Variants in UNC13B observed in about 807,000 individuals in gnomAD.
UNC13B encodes the protein protein unc-13 homolog B.
In UNC13B, 144 loss-of-function variants were observed where a neutral mutation model predicts 211.0. The ratio of observed to expected loss-of-function variants is 0.68; its 90% CI spans 0.60 to 0.78. The LOEUF (loss-of-function observed/expected upper bound fraction) is 0.78, where lower values mean the gene tolerates loss of function less well. Among genes scored for constraint, UNC13B ranks in the 30% least tolerant of loss-of-function variants. The pLI, the probability that UNC13B is intolerant of heterozygous loss-of-function variation, is 0.00. For synonymous variants in UNC13B, 709 were observed against 725.8 expected (o/e 0.98, Z 0.37); for missense variants, 1,777 against 2,002.0 (o/e 0.89, Z 2.14).
chr9:35,390,056 A>G (rs1274599246), intron 25 of UNC13B, 83 bp downstream of exon 25: 10 of 1,579,760 alleles, frequency 6.3e-6, no homozygotes, highest in Non-Finnish European at 7.8e-6. Flanking sequence ...CTGTCTCTGT[A>G]TGTTTGCAGT....
intron 11 of UNC13B, among the ~76,000 whole-genome samples, chr9:35,355,490 C>T (rs1424357716): frequency 1.3e-5 from 2 of 152,214 alleles, no homozygotes; most frequent in Non-Finnish European, 2.9e-5. Flanking sequence ...CTTCACTTTG[C>T]ATTCAAGGTC....
chr9:35,306,564 A>G lies in UNC13B; in HGVS notation c.7160A>G (p.Asn2387Ser), dbSNP rs1017453903. 1.5e-5 allele frequency: 6 copies of G among 398,858 alleles called. No homozygotes were observed. Among genetic ancestry groups the G allele is most frequent in the Non-Finnish European group, 2.7e-5 (6 of 226,076 alleles). 24.7% of individuals were successfully genotyped at this position (398,858 alleles called of 1,614,324 possible). A position where few individuals can be genotyped will look rare whatever the true frequency, so the allele number is the denominator to read the frequency against. The part of the protein sequence containing the change: ...SHAKQLIEKF[N>S]DLDTCTNCHQ... ...GCTAAACAGTTAATTGAAAAATTCA[A>G]TGATTTAGACACTTGTACTAACTGC... The change falls in exon 9 of 40, where the codon AAT becomes AGT. Residue 2387 changes from asparagine to serine, a missense_variant. Coordinates refer to ENST00000635942, the MANE Select transcript of UNC13B (RefSeq NM_001371189.2).
chr9:35,315,011 G>A (rs1042716032), intron 11 of UNC13B, among the ~76,000 whole-genome samples: 1 of 148,464 alleles, frequency 6.7e-6, no homozygotes, highest in Non-Finnish European at 1.5e-5. Context: ...TTAGTAGCAG[G>A]GTCTACAGGC....
rs971295376 is a variant in UNC13B, at chr9:35,301,629, G to C, written c.2225G>C (p.Ser742Thr). Residue 742 changes from serine to threonine, a missense_variant, in exon 9 of 40, where the codon AGT becomes ACT. Coordinates refer to ENST00000635942, the MANE Select transcript of UNC13B (RefSeq NM_001371189.2). Reference sequence around the variant, plus strand: ...ACCAGTGAACCTTCAAACTTAGTTAGTTCTGCAAGTAAAAATGATGAGAGT... The same window carrying C: ...ACCAGTGAACCTTCAAACTTAGTTACTTCTGCAAGTAAAAATGATGAGAGT... ...QVTSEPSNLV[S>T]SASKNDESLL... 28 of 398,738 alleles carry C rather than the reference G, an allele frequency of 7.0e-5. No individual in the cohort carries two copies. Among genetic ancestry groups the C allele is most frequent in the Non-Finnish European group, 1.2e-4 (26 of 225,950 alleles). 24.7% of individuals were successfully genotyped at this position (398,738 alleles called of 1,614,324 possible). A position where few individuals can be genotyped will look rare whatever the true frequency, so the allele number is the denominator to read the frequency against.
chr9:35,259,727 C>T (rs1384065105), intron 7 of UNC13B, among the ~76,000 whole-genome samples: 4 of 124,302 alleles, frequency 3.2e-5, no homozygotes, highest in Non-Finnish European at 6.2e-5. Flanking sequence ...AAAGGACTGA[C>T]TTAGAGTCTG....
intron 1 of UNC13B, among the ~76,000 whole-genome samples, chr9:35,173,331 T>G (rs1162419582): frequency 6.6e-6 from 1 of 152,100 alleles, no homozygotes; most frequent in Non-Finnish European, 1.5e-5. Flanking sequence ...TATGTCTACC[T>G]CACTTCAGCC....
At chr9:35,217,655 C>T (rs1156597384) in intron 1 of UNC13B, among the ~76,000 whole-genome samples, 2 of 152,252 alleles carry the variant, frequency 1.3e-5, no homozygotes, top group Admixed American at 6.5e-5. Flanking sequence ...TCCCAAAGTG[C>T]TGGGATTACA....
chr9:35,171,473 C>T (rs958396030), intron 1 of UNC13B, among the ~76,000 whole-genome samples: 33 of 152,320 alleles, frequency 2.2e-4, no homozygotes, highest in Middle Eastern at 3.4e-3. Context: ...GTGATCATAG[C>T]TCACTGTAGC....
At chr9:35,205,027 T>C (rs1009781111) in intron 1 of UNC13B, among the ~76,000 whole-genome samples, 2 of 152,120 alleles carry the variant, frequency 1.3e-5, no homozygotes, top group Non-Finnish European at 1.5e-5. Context: ...GGGGTGGAGT[T>C]CTCATGAATG....
rs556106361 is a variant in UNC13B, at chr9:35,170,647, T to A, written c.22+8342T>A. ...CCATGCTTGGCTAATTAAAAAAAAA[T>A]TTTTTTTAGAGATGGGGTCTTGCTA... On this transcript the variant is annotated intron_variant, in intron 1 of 39. Transcript: ENST00000635942. Among the ~76,000 whole-genome samples the A allele has an allele frequency of 3.4e-4, 51 of 151,820 alleles. 1 individual carries two copies. In the South Asian group the frequency reaches 4.0e-3, roughly 12 times the overall value.
At position 35,290,967 on chromosome 9, in the gene UNC13B, A is replaced by G. The variant is rs1829068793; in HGVS notation, c.527-4729A>G. ...AATACAAGTGAGGTAGGCTTAAGTA[A>G]GGTAAGGCACATAATAATTGCTGAG... is the stretch of plus-strand genomic sequence containing the variant. On this transcript the variant is annotated intron_variant, in intron 7 of 39. Coordinates refer to ENST00000635942, the MANE Select transcript of UNC13B (RefSeq NM_001371189.2). The G allele has an allele frequency of 2.6e-5, 30 of 1,174,864 alleles. No homozygotes were observed. The South Asian group carries it at 3.9e-4, about 15-fold the overall frequency. The allele number at this position is 1,174,864 out of a possible 1,614,324, so 72.8% of individuals were successfully genotyped here.
At chr9:35,281,498 T>C (rs1828492625) in intron 7 of UNC13B, among the ~76,000 whole-genome samples, 1 of 151,868 alleles carries the variant, frequency 6.6e-6, no homozygotes, top group Non-Finnish European at 1.5e-5. Flanking sequence ...GTAGTACCAT[T>C]TGATAAGTGA....
chr9:35,205,008 A>G (rs1051349122), intron 1 of UNC13B, among the ~76,000 whole-genome samples: 1 of 152,098 alleles, frequency 6.6e-6, no homozygotes, highest in Non-Finnish European at 1.5e-5. Context: ...ATGGGAGGTG[A>G]TGGATAATGG....
intron 3 of UNC13B, 130 bp downstream of exon 3, chr9:35,231,349 T>G: frequency 1.7e-6 from 1 of 595,156 alleles, no homozygotes; most frequent in African/African-American, 1.9e-5. Context: ...TGTTAAATAC[T>G]GTTTTGAAAA....
chr9:35,319,283 A>G (rs889154432), intron 11 of UNC13B, among the ~76,000 whole-genome samples: 6 of 151,658 alleles, frequency 4.0e-5, no homozygotes, highest in African/African-American at 1.5e-4. Context: ...CATACCTGTA[A>G]TCCCAGCTAC....
chr9:35,314,002 T>C lies in UNC13B; in HGVS notation c.9414+13T>C, dbSNP rs1182972103. On this transcript the variant is annotated intron_variant, in intron 11 of 39. Coordinates refer to ENST00000635942, the MANE Select transcript of UNC13B (RefSeq NM_001371189.2). ...CCAGCTGCAGGAGGTAGGAAATCTG[T>C]TCTAGTACTGGTTGGGACAATTTTT... 5 of 1,607,592 alleles carry C rather than the reference T, an allele frequency of 3.1e-6. No individual in the cohort carries two copies. The highest frequency in any genetic ancestry group is 1.6e-4 in the Middle Eastern group (1 of 6,068).
At chr9:35,327,198 GTAT>G (rs1831067371) in intron 11 of UNC13B, among the ~76,000 whole-genome samples, 1 of 152,168 alleles carries the variant, frequency 6.6e-6, no homozygotes, top group Non-Finnish European at 1.5e-5. Flanking sequence ...GTTGGTCAGT[GTAT>G]TATTAGGGTT....
At chr9:35,388,605 A>C (rs1835332504) in intron 24 of UNC13B, among the ~76,000 whole-genome samples, 1 of 152,138 alleles carries the variant, frequency 6.6e-6, no homozygotes, top group Admixed American at 6.6e-5. Context: ...AATTTCTACT[A>C]AATGGAGTTG....
intron 7 of UNC13B, among the ~76,000 whole-genome samples, chr9:35,285,963 G>A (rs1466679142): frequency 3.9e-5 from 6 of 152,130 alleles, no homozygotes; most frequent in African/African-American, 9.7e-5. Context: ...TGGACATGAG[G>A]TGTACTTGCT....
Sources: gnomAD v4.1 joint callset for allele counts (sites outside exome capture counted in the v4.1 genomes callset) on GRCh38, gnomAD v4.1.1 for gene constraint, MANE v1.5 for transcripts, NCBI Gene and HGNC (gene_info 2026-07-23, HGNC 2026-07-21) for gene names.